The following SENP7 variants were observed in gnomAD, a reference collection of about 807,000 sequenced individuals.
SENP7 encodes the protein sentrin-specific protease 7.
A neutral mutation model predicts 141.2 loss-of-function variants in SENP7; 64 were observed. The ratio of observed to expected loss-of-function variants is 0.45; its 90% CI spans 0.37 to 0.56. The LOEUF (loss-of-function observed/expected upper bound fraction) is 0.56. Ranked by LOEUF, SENP7 falls within the 20% of genes least tolerant of loss-of-function variation. SENP7 has a pLI of 0.00. For missense variants in SENP7, 1,025 were observed against 1,212.2 expected, an observed-to-expected ratio of 0.85 and a Z score of 2.29; for synonymous variants, 382 against 426.4, an observed-to-expected ratio of 0.90 and a Z score of 1.28.
intron 6 of SENP7, among the ~76,000 whole-genome samples, chr3:101,380,435 GCCC>G (rs11348061): frequency 1.1e-5 from 1 of 95,130 alleles, no homozygotes; most frequent in African/African-American, 3.4e-5. Flanking sequence ...GCAAACCACC[GCCC>G]CCCCCCCCAC....
Position 101,327,661 on chromosome 3 carries a change from C to T in SENP7, c.3015+5G>A. 1 of 1,591,474 alleles carries T rather than the reference C, an allele frequency of 6.3e-7. No homozygotes were observed. The highest frequency in any genetic ancestry group is 8.5e-7 in the Non-Finnish European group (1 of 1,170,498). ...AATTAAAAACTTATTTATAGCTTCA[C>T]ATACCTTGAAGAAGCTTTCCACATA... On this transcript the variant is annotated splice_donor_5th_base_variant and intron_variant, in intron 23 of 23. Coordinates refer to ENST00000394095, the MANE Select transcript of SENP7 (RefSeq NM_020654.5).
rs1335346366 is a variant in SENP7, at chr3:101,390,243, A to C, written c.677+8618T>G. 4.5e-5 allele frequency among the ~76,000 whole-genome samples: 6 copies of C among 134,270 alleles called. No homozygotes were observed. In the East Asian group the frequency reaches 6.8e-4, roughly 15 times the overall value. The allele number at this position is 134,270 out of a possible 152,430, so 88.1% of individuals were successfully genotyped here. A position where few individuals can be genotyped will look rare whatever the true frequency, so the allele number is the denominator to read the frequency against. ...TCAAAAAAAAAAAAAAAAAAAAAAA[A>C]CCCAGAAAGACATGAACTGGCTGAA... On this transcript the variant is annotated intron_variant, in intron 6 of 23. Transcript: ENST00000394095.
intron 5 of SENP7, among the ~76,000 whole-genome samples, chr3:101,411,169 A>G (rs1334207778): frequency 6.6e-6 from 1 of 152,204 alleles, no homozygotes; most frequent in Non-Finnish European, 1.5e-5. Flanking sequence ...GTTAAGATTC[A>G]ATGAGATAAT....
At chr3:101,499,305 G>A (rs1377778299) in intron 2 of SENP7, among the ~76,000 whole-genome samples, 1 of 152,126 alleles carries the variant, frequency 6.6e-6, no homozygotes, top group Non-Finnish European at 1.5e-5. Context: ...AACAAAAATA[G>A]TGGTAGTTAA....
intron 3 of SENP7, among the ~76,000 whole-genome samples, chr3:101,484,622 C>G (rs2064646507): frequency 6.6e-6 from 1 of 152,290 alleles, no homozygotes; most frequent in Non-Finnish European, 1.5e-5. Flanking sequence ...AATGGAGAAG[C>G]TGAAGGTCTG....
chr3:101,473,065 A>G (rs1343830814), intron 3 of SENP7, among the ~76,000 whole-genome samples: 1 of 152,122 alleles, frequency 6.6e-6, no homozygotes, highest in Non-Finnish European at 1.5e-5. Context: ...GCTCCATTCA[A>G]GTCCCTGCAA....
chr3:101,368,193 G>A (rs975323333), intron 7 of SENP7, among the ~76,000 whole-genome samples, 182 bp from the exon 8 acceptor site: 4 of 152,048 alleles, frequency 2.6e-5, no homozygotes, highest in Non-Finnish European at 5.9e-5. Context: ...TATTTTAATT[G>A]GTATATACCA....
At chr3:101,458,881 C>T in intron 4 of SENP7, 74 bp downstream of exon 4, 1 of 865,986 alleles carries the variant, frequency 1.2e-6, no homozygotes, top group Non-Finnish European at 1.8e-6. Flanking sequence ...TGAGAACCAA[C>T]AAGCTTAAAT....
At chr3:101,400,222 C>T (rs920017813) in intron 5 of SENP7, among the ~76,000 whole-genome samples, 2 of 152,200 alleles carry the variant, frequency 1.3e-5, no homozygotes, top group Non-Finnish European at 2.9e-5. Flanking sequence ...CCTAACTCCT[C>T]TTTATTAGAT....
Position 101,325,919 on chromosome 3 carries a change from C to T in SENP7, c.*24G>A, listed in dbSNP as rs746712151. 1 of 1,567,374 alleles carries T rather than the reference C, an allele frequency of 6.4e-7. No individual in the cohort carries two copies. On this transcript the variant is annotated 3_prime_UTR_variant, in exon 24 of 24. Transcript: ENST00000394095. ...GCTTTCCAGTAATCTTAGAGAACAT[C>T]TGTGTCATGTTTGTACAGATTAACT...
chr3:101,336,076 T>C (rs538004061), intron 17 of SENP7, among the ~76,000 whole-genome samples: 14 of 152,340 alleles, frequency 9.2e-5, no homozygotes, highest in African/African-American at 3.1e-4. Flanking sequence ...ATTAATTATA[T>C]AATCACAACA....
intron 4 of SENP7, among the ~76,000 whole-genome samples, chr3:101,449,587 T>C (rs1334986500): frequency 6.6e-6 from 1 of 152,040 alleles, no homozygotes; most frequent in African/African-American, 2.4e-5. Flanking sequence ...AGAAAAGAAT[T>C]TACAACCCAG....
intron 1 of SENP7, among the ~76,000 whole-genome samples, chr3:101,506,088 T>A (rs2065597573): frequency 6.7e-6 from 1 of 150,022 alleles, no homozygotes; most frequent in African/African-American, 2.4e-5. Context: ...TGGCACGATC[T>A]CGGCTCACTG....
chr3:101,457,543 G>C, intron 4 of SENP7: 1 of 1,603,642 alleles, frequency 6.2e-7, no homozygotes, highest in East Asian at 2.2e-5. Flanking sequence ...GTAAACATAT[G>C]CACCTCTTCA....
In SENP7 at chr3:101,332,063, C is replaced by G. The variant is rs137867253; in HGVS notation, c.2620G>C (p.Ala874Pro). ...GTTTGTGGAAAATCTTCATACACAGCTTCTTCTAACCATGGAAAACAAATG... is the reference window on the plus strand; with the variant it reads ...GTTTGTGGAAAATCTTCATACACAGGTTCTTCTAACCATGGAAAACAAATG... ...AVICFPWLEE[A>P]VYEDFPQTVS... Residue 874 changes from alanine (A) to proline (P), a missense_variant, in exon 19 of 24, where the codon GCT (alanine) becomes CCT (proline). This residue lies in a region of SENP7 where 295 missense variants were observed against 459.1 expected (regional missense o/e 0.64). Coordinates refer to ENST00000394095, the MANE Select transcript of SENP7 (RefSeq NM_020654.5). 3 of 1,613,388 alleles carry G rather than the reference C, an allele frequency of 1.9e-6. No individual in the cohort carries two copies. The highest frequency in any genetic ancestry group is 2.5e-6 in the Non-Finnish European group (3 of 1,179,606).
At chr3:101,435,959 T>C (rs755619762) in intron 4 of SENP7, among the ~76,000 whole-genome samples, 2 of 152,104 alleles carry the variant, frequency 1.3e-5, no homozygotes, top group African/African-American at 2.4e-5. Flanking sequence ...AGACCCAGAA[T>C]AGGCAAAGCT....
intron 3 of SENP7, among the ~76,000 whole-genome samples, chr3:101,481,403 C>T (rs1287249968): frequency 6.6e-6 from 1 of 152,022 alleles, no homozygotes; most frequent in Non-Finnish European, 1.5e-5. Flanking sequence ...AAAAATATTC[C>T]ATGTATTCAC....
At chr3:101,362,318 T>C (rs2059923094) in intron 10 of SENP7, among the ~76,000 whole-genome samples, 1 of 152,220 alleles carries the variant, frequency 6.6e-6, no homozygotes, top group African/African-American at 2.4e-5. Context: ...AACAGATGTT[T>C]AGATTGGTTA....
chr3:101,372,082 T>C lies in SENP7; in HGVS notation c.722A>G (p.Gln241Arg). 1.9e-6 allele frequency: 3 copies of C among 1,569,486 alleles called. No homozygotes were observed. The highest frequency in any genetic ancestry group is 2.6e-6 in the Non-Finnish European group (3 of 1,150,890). Residue 241 changes from glutamine to arginine, a missense_variant, in exon 7 of 24, where the codon CAG becomes CGG. Around this residue, in one of 4 missense-constraint regions of SENP7, gnomAD observed 496 missense variants for 503.5 expected, o/e 0.99. Transcript: ENST00000394095. ...SKTVDDNSAK[Q>R]TAHNKEKRRK... Reference sequence around the variant, plus strand: ...TCGTTTTTCTTTATTGTGCGCAGTCTGCTTTGCAGAATTGTCATCTACTGT... The same window carrying C: ...TCGTTTTTCTTTATTGTGCGCAGTCCGCTTTGCAGAATTGTCATCTACTGT...
Sources: gnomAD v4.1 joint callset for allele counts (sites outside exome capture counted in the v4.1 genomes callset) on GRCh38, gnomAD v4.1.1 for gene constraint, gnomAD v4.1.1 regional missense constraint, MANE v1.5 for transcripts, NCBI Gene and HGNC (gene_info 2026-07-23, HGNC 2026-07-21) for gene names.